Variants in HSPA14 observed in about 807,000 individuals in gnomAD.
HSPA14 encodes the protein heat shock protein family A (Hsp70) member 14, also known as heat shock 70 kDa protein 14.
HSPA14 carries 37 observed loss-of-function variants against 65.5 expected under a neutral mutation model. The observed-to-expected ratio is 0.56, with a 90% CI of 0.43 to 0.74. HSPA14 has a LOEUF of 0.74. HSPA14 is among the 30% of genes least tolerant of loss of function. The pLI is 0.00. For synonymous variants in HSPA14, 203 were observed against 214.2 expected (o/e 0.95, Z 0.46); for missense variants, 564 against 607.6 (o/e 0.93, Z 0.75).
Position 14,848,603 on chromosome 10 carries a change from G to T in HSPA14, c.222-6G>T. ...CTTAGCTATCTTTATCTTTCTTTAT[G>T]GACAGCTCCAGTGATCCACAAGCTC... is the stretch of plus-strand genomic sequence containing the variant. On this transcript the variant is annotated splice_region_variant and splice_polypyrimidine_tract_variant and intron_variant, in intron 3 of 13. Coordinates refer to ENST00000378372, the MANE Select transcript of HSPA14 (RefSeq NM_016299.4). 1 of 1,605,124 alleles carries T rather than the reference G, an allele frequency of 6.2e-7. No homozygotes were observed. The highest frequency in any genetic ancestry group is 1.1e-5 in the South Asian group (1 of 90,442).
At chr10:14,863,783 T>G (rs1303245874) in intron 10 of HSPA14, among the ~76,000 whole-genome samples, 1 of 152,184 alleles carries the variant, frequency 6.6e-6, no homozygotes, top group Non-Finnish European at 1.5e-5. Flanking sequence ...TAATCCATTT[T>G]GACTCAGGTG....
At chr10:14,848,536 GTCTTCTCTAAACTTTA>G in intron 3 of HSPA14, 57 bp from the exon 4 acceptor site, 2 of 1,071,066 alleles carry the variant, frequency 1.9e-6, no homozygotes, top group Non-Finnish European at 2.8e-6. Context: ...GTGAAATACA[GTCTTCTCTAAACTTTA>G]TATATCTACA....
At chr10:14,849,528 A>G in intron 5 of HSPA14, 193 bp from the exon 6 acceptor site, 2 of 675,846 alleles carry the variant, frequency 3.0e-6, no homozygotes, top group South Asian at 3.0e-5. Flanking sequence ...GTGTCCAAAT[A>G]TATCACCAAA....
intron 5 of HSPA14, 45 bp from the exon 6 acceptor site, chr10:14,849,676 G>A (rs750111876): frequency 7.3e-7 from 1 of 1,365,612 alleles, no homozygotes; most frequent in Admixed American, 1.9e-5. Flanking sequence ...AGTATCACTT[G>A]TCATTTTCTT....
intron 3 of HSPA14, chr10:14,844,796 G>A (rs1834027346): frequency 1.0e-6 from 1 of 985,072 alleles, no homozygotes; most frequent in Non-Finnish European, 1.2e-6. Flanking sequence ...TTAAGTTTCG[G>A]TTGCCATTGG....
intron 10 of HSPA14, among the ~76,000 whole-genome samples, chr10:14,859,625 T>C (rs1245496690): frequency 6.6e-6 from 1 of 152,218 alleles, no homozygotes; most frequent in Non-Finnish European, 1.5e-5. Flanking sequence ...TAGTATTTCA[T>C]TGCATTGATG....
intron 3 of HSPA14, chr10:14,846,092 ACTT>A (rs1834048936): frequency 1.0e-6 from 1 of 983,012 alleles, no homozygotes; most frequent in African/African-American, 1.7e-5. Context: ...ATGCTCATGA[ACTT>A]CTAAGTGCCA....
In HSPA14 at chr10:14,867,300, G is replaced by A. The variant is rs1207557820; in HGVS notation, c.1206+5G>A. The A allele has an allele frequency of 6.2e-7, 1 of 1,600,552 alleles. No homozygotes were observed. Among genetic ancestry groups the A allele is most frequent in the South Asian group, 1.1e-5 (1 of 90,746 alleles). On this transcript the variant is annotated splice_donor_5th_base_variant and intron_variant, in intron 11 of 13. Coordinates refer to ENST00000378372, the MANE Select transcript of HSPA14 (RefSeq NM_016299.4). ...GCCAGAGATATTTTAGTTAAGGTAT[G>A]TTTAGCTTTTGTATACTAGTTAAGG...
rs552125706 is a variant in HSPA14, at chr10:14,865,706, A to G, written c.994-1377A>G. ...GTATATCTGTTTTGGTACCAGTACC[A>G]TGCTGTTTTGGTTACTGTAGCGTTA... On this transcript the variant is annotated intron_variant, in intron 10 of 13. Transcript: ENST00000378372. 3.1e-3 allele frequency among the ~76,000 whole-genome samples: 477 copies of G among 152,286 alleles called. 2 individuals are homozygous for G. The highest frequency in any genetic ancestry group is 0.011 in the African/African-American group (456 of 41,554).
At chr10:14,844,806 G>C (rs950767946) in intron 3 of HSPA14, 9 of 985,234 alleles carry the variant, frequency 9.1e-6, no homozygotes, top group Non-Finnish European at 1.1e-5. Context: ...GTTGCCATTG[G>C]AACATTGTGG....
chr10:14,843,764 C>T (rs1174994064), intron 3 of HSPA14: 13 of 1,536,256 alleles, frequency 8.5e-6, no homozygotes, highest in Non-Finnish European at 1.1e-5. Context: ...CAAGATACTG[C>T]CAATGAGCTC....
intron 10 of HSPA14, among the ~76,000 whole-genome samples, chr10:14,857,866 A>T (rs1433031016): frequency 6.7e-6 from 1 of 148,922 alleles, no homozygotes; most frequent in Non-Finnish European, 1.5e-5. Context: ...GTTGTGACAA[A>T]TTTTTTTTGC....
chr10:14,850,035 G>A (rs533361855), intron 6 of HSPA14, among the ~76,000 whole-genome samples: 2 of 152,072 alleles, frequency 1.3e-5, no homozygotes, highest in Non-Finnish European at 2.9e-5. Flanking sequence ...GACACTGACG[G>A]GGGGGCGGCG....
intron 3 of HSPA14, chr10:14,845,362 C>T (rs1006751172): frequency 1.3e-5 from 13 of 985,032 alleles, no homozygotes; most frequent in East Asian, 1.1e-4. Flanking sequence ...CTTGCAGGCT[C>T]GAGTGCTTAG....
chr10:14,862,977 C>A (rs1048935257), intron 10 of HSPA14, among the ~76,000 whole-genome samples: 1 of 152,228 alleles, frequency 6.6e-6, no homozygotes, highest in Non-Finnish European at 1.5e-5. Context: ...AGCCACTGCG[C>A]TTGGCCTTTT....
At position 14,839,983 on chromosome 10, in the gene HSPA14, G is replaced by A. The variant is rs371168385; in HGVS notation, c.136G>A (p.Glu46Lys). The A allele has an allele frequency of 5.6e-6, 9 of 1,609,840 alleles. No individual in the cohort carries two copies. Among genetic ancestry groups the A allele is most frequent in the Non-Finnish European group, 7.6e-6 (9 of 1,177,340 alleles). The change falls in exon 2 of 14, where the codon GAG becomes AAG. Residue 46 changes from glutamate (E) to lysine (K), a missense_variant and splice_region_variant. Transcript: ENST00000378372. ...TGTTGTTGCTTACTCAGAAAATGAA[G>A]AGGTACTAGTCCCCCCATTTTTGTA... ...PAVVAYSENE[E>K]IVGLAAKQSR...
intron 10 of HSPA14, among the ~76,000 whole-genome samples, chr10:14,857,614 T>C (rs1320900768): frequency 6.6e-6 from 1 of 152,216 alleles, no homozygotes; most frequent in Non-Finnish European, 1.5e-5. Context: ...TTTAAACTTG[T>C]GCAAATATTT....
At chr10:14,841,978 G>A (rs1833979477) in intron 3 of HSPA14, 3 of 471,622 alleles carry the variant, frequency 6.4e-6, no homozygotes, top group Non-Finnish European at 1.2e-5. Context: ...TAGGTTCTTG[G>A]TGCCGTGTCT....
In HSPA14 at chr10:14,871,624, GA is replaced by G. The variant is rs891874654; in HGVS notation, c.*20del. 2 of 1,409,594 alleles carry G rather than the reference GA, an allele frequency of 1.4e-6. No homozygotes were observed. The highest frequency in any genetic ancestry group is 2.9e-5 in the African/African-American group (2 of 69,036). The allele number at this position is 1,409,594 out of a possible 1,614,324, so 87.3% of individuals were successfully genotyped here. On this transcript the variant is annotated 3_prime_UTR_variant, in exon 14 of 14. Transcript: ENST00000378372. ...CATCTTAGTGTTTTAGAGAAATCAA[GA>G]ATTTTTAAAAACAAGAATATCAACA... is the stretch of plus-strand genomic sequence containing the variant.
Sources: allele counts gnomAD v4.1 joint callset (sites outside exome capture counted in the v4.1 genomes callset), GRCh38; gene constraint gnomAD v4.1.1; transcripts MANE v1.5; gene names NCBI Gene and HGNC (gene_info 2026-07-23, HGNC 2026-07-21).